FAM185A: variants seen among roughly 807,000 people sequenced by gnomAD.
FAM185A encodes protein FAM185A.
In FAM185A, 21 loss-of-function variants were observed where a neutral mutation model predicts 45.7. The ratio of observed to expected loss-of-function variants is 0.46; its 90% CI spans 0.33 to 0.66. The LOEUF is 0.66. FAM185A is among the 30% of genes least tolerant of loss of function. FAM185A has a pLI of 0.03. For synonymous variants in FAM185A, 117 were observed against 194.0 expected, an observed-to-expected ratio of 0.60 and a Z score of 3.30; for missense variants, 305 against 485.4, an observed-to-expected ratio of 0.63 and a Z score of 3.49.
intron 6 of FAM185A, among the ~76,000 whole-genome samples, chr7:102,783,056 C>G (rs1170347071): frequency 6.6e-6 from 1 of 151,868 alleles, no homozygotes; most frequent in African/African-American, 2.4e-5. Flanking sequence ...ACAAAGAAGG[C>G]CATTACATAA....
chr7:102,763,038 A>G (rs1392554714), intron 4 of FAM185A, among the ~76,000 whole-genome samples: 1 of 141,348 alleles, frequency 7.1e-6, no homozygotes, highest in African/African-American at 2.6e-5. Context: ...ATTAACATCC[A>G]CAGGAAAAGC....
chr7:102,762,705 T>C (rs1794182855), intron 4 of FAM185A, among the ~76,000 whole-genome samples: 1 of 152,098 alleles, frequency 6.6e-6, no homozygotes. Flanking sequence ...ACTTATATGC[T>C]TGAAATAGTT....
At chr7:102,810,145 C>T (rs1158941232), downstream of FAM185A, among the ~76,000 whole-genome samples, 1 of 152,216 alleles carries the variant, frequency 6.6e-6, no homozygotes, top group Non-Finnish European at 1.5e-5. Context: ...CTTTAGAAAT[C>T]ACCCAGCTTC....
chr7:102,811,226 C>T (rs1797414768), downstream of FAM185A, among the ~76,000 whole-genome samples: 1 of 152,160 alleles, frequency 6.6e-6, no homozygotes, highest in Non-Finnish European at 1.5e-5. Context: ...TTTAAAGCTA[C>T]TAATGGAATT....
chr7:102,844,665 C>G, the FAM185A span, among the ~76,000 whole-genome samples: 1 of 152,172 alleles, frequency 6.6e-6, no homozygotes, highest in Non-Finnish European at 1.5e-5. Flanking sequence ...TTTCTATACA[C>G]TGACCAATTC....
the FAM185A span, among the ~76,000 whole-genome samples, chr7:102,829,711 G>A: frequency 2.6e-5 from 4 of 152,254 alleles, no homozygotes; most frequent in East Asian, 5.8e-4. Flanking sequence ...TGACCTTCGA[G>A]GTGAGGTGGT....
At chr7:102,754,840 T>C (rs902192808) in intron 2 of FAM185A, among the ~76,000 whole-genome samples, 4 of 152,262 alleles carry the variant, frequency 2.6e-5, no homozygotes, top group Non-Finnish European at 5.9e-5. Context: ...CATTTGCATT[T>C]TTTAAATGCA....
intron 6 of FAM185A, among the ~76,000 whole-genome samples, chr7:102,781,334 GC>G (rs1393078421): frequency 6.6e-6 from 1 of 152,204 alleles, no homozygotes. Flanking sequence ...CCAGCATGCA[GC>G]TGGACATCTG....
chr7:102,802,658 A>G (rs866281518), intron 7 of FAM185A, among the ~76,000 whole-genome samples: 1 of 152,142 alleles, frequency 6.6e-6, no homozygotes, highest in South Asian at 2.1e-4. Flanking sequence ...ACAAGAACAA[A>G]CCAAACCCAA....
At chr7:102,847,757 G>C in the FAM185A span, among the ~76,000 whole-genome samples, 6 of 151,980 alleles carry the variant, frequency 3.9e-5, no homozygotes, top group Non-Finnish European at 8.8e-5. Flanking sequence ...TCAAACTCCT[G>C]GCCTCAGGTA....
intron 7 of FAM185A, among the ~76,000 whole-genome samples, chr7:102,798,092 T>C (rs1796551773): frequency 6.6e-6 from 1 of 152,216 alleles, no homozygotes; most frequent in Admixed American, 6.5e-5. Flanking sequence ...ATTACAGAGT[T>C]AAACACATGT....
At chr7:102,826,735 A>C in the FAM185A span, among the ~76,000 whole-genome samples, 1 of 43,994 alleles carries the variant, frequency 2.3e-5, no homozygotes, top group African/African-American at 1.5e-4. Flanking sequence ...ATATATATAT[A>C]TATATATATA....
At chr7:102,820,511 C>G in the FAM185A span, among the ~76,000 whole-genome samples, 1 of 152,088 alleles carries the variant, frequency 6.6e-6, no homozygotes, top group Non-Finnish European at 1.5e-5. Context: ...GCAAGAAGAC[C>G]GAGCAGTTAA....
chr7:102,827,675 C>T, the FAM185A span, among the ~76,000 whole-genome samples: 3 of 152,056 alleles, frequency 2.0e-5, no homozygotes, highest in African/African-American at 4.8e-5. Flanking sequence ...ATTCCTCCCC[C>T]CTCCCGCCAC....
chr7:102,834,133 AG>A, the FAM185A span, among the ~76,000 whole-genome samples: 9 of 83,592 alleles, frequency 1.1e-4, 1 homozygote, highest in African/African-American at 5.0e-4. Context: ...AAAGAAAGAA[AG>A]AAAGAAAAGA....
chr7:102,764,927 C>G (rs1303947200), intron 4 of FAM185A, among the ~76,000 whole-genome samples: 3 of 152,150 alleles, frequency 2.0e-5, no homozygotes, highest in Non-Finnish European at 4.4e-5. Context: ...GAGTTTGGAG[C>G]CTTTGTGCCA....
At chr7:102,823,979 T>C in the FAM185A span, among the ~76,000 whole-genome samples, 13 of 152,014 alleles carry the variant, frequency 8.6e-5, no homozygotes, top group Admixed American at 3.9e-4. Flanking sequence ...CACAGAATTG[T>C]AGAAGAAAGG....
intron 5 of FAM185A, among the ~76,000 whole-genome samples, chr7:102,775,128 C>T (rs1198194163): frequency 1.3e-5 from 2 of 152,030 alleles, no homozygotes; most frequent in African/African-American, 4.8e-5. Flanking sequence ...ATAATTTCCA[C>T]AGTCCGTTTA....
the FAM185A span, chr7:102,832,844 G>A: frequency 3.1e-6 from 5 of 1,614,146 alleles, no homozygotes; most frequent in Non-Finnish European, 4.2e-6. Context: ...ACATACCTTT[G>A]GACAGCCAGC....
Sources: gnomAD v4.1 joint callset for allele counts (sites outside exome capture counted in the v4.1 genomes callset) on GRCh38, gnomAD v4.1.1 for gene constraint, MANE v1.5 for transcripts, NCBI Gene and HGNC (gene_info 2026-07-23, HGNC 2026-07-21) for gene names.